The following NLK variants were observed in gnomAD, a reference collection of about 807,000 sequenced individuals.
NLK encodes the protein serine/threonine-protein kinase NLK.
NLK carries 11 observed loss-of-function variants against 59.0 expected under a neutral mutation model. The observed-to-expected ratio is 0.19, with a 90% confidence interval of 0.12 to 0.31. The LOEUF is 0.31. Among genes scored for constraint, NLK ranks in the 10% least tolerant of loss-of-function variants. The pLI, the probability that NLK is intolerant of heterozygous loss-of-function variation, is 1.00. For synonymous variants in NLK, 235 were observed against 235.9 expected (o/e 1.00, Z 0.03); for missense variants, 410 against 661.1 (o/e 0.62, Z 4.16).
chr17:28,103,000 G>A (rs2142792538), intron 1 of NLK, among the ~76,000 whole-genome samples: 1 of 152,246 alleles, frequency 6.6e-6, no homozygotes, highest in Admixed American at 6.5e-5. Flanking sequence ...TTCATGTGGA[G>A]CAACTCTGCA....
chr17:28,202,248 A>G, the NLK span, among the ~76,000 whole-genome samples: 2 of 152,142 alleles, frequency 1.3e-5, no homozygotes, highest in Non-Finnish European at 2.9e-5. Flanking sequence ...ATTTTTTTAA[A>G]AATTAGCTGG....
intron 3 of NLK, among the ~76,000 whole-genome samples, chr17:28,147,555 A>G (rs1045561310): frequency 1.2e-4 from 18 of 152,312 alleles, no homozygotes; most frequent in African/African-American, 4.3e-4. Flanking sequence ...ATTGAGGTGT[A>G]GATGGCTGCC....
intron 7 of NLK, among the ~76,000 whole-genome samples, chr17:28,175,933 T>C (rs1908658710): frequency 6.6e-6 from 1 of 152,106 alleles, no homozygotes; most frequent in Non-Finnish European, 1.5e-5. Context: ...GCAAGAAAAA[T>C]CATGTTTATC....
intron 1 of NLK, among the ~76,000 whole-genome samples, chr17:28,056,228 T>C (rs1031722568): frequency 1.3e-5 from 2 of 152,238 alleles, no homozygotes; most frequent in Non-Finnish European, 2.9e-5. Context: ...ATTTCAGTCA[T>C]TTGTTTTGAG....
At chr17:28,116,516 G>A (rs915316054) in intron 1 of NLK, 19 of 152,154 alleles carry the variant, frequency 1.2e-4, no homozygotes, top group African/African-American at 4.6e-4. Flanking sequence ...TTCACATTTT[G>A]TATTAAGTAA....
intron 6 of NLK, among the ~76,000 whole-genome samples, chr17:28,171,724 G>A (rs577787693): frequency 8.5e-5 from 13 of 152,260 alleles, no homozygotes; most frequent in African/African-American, 2.9e-4. Flanking sequence ...TCCATTTGAA[G>A]CATCAGAATC....
Position 28,172,627 on chromosome 17 carries a change from AG to A in NLK, c.1149+15del. 5 of 1,481,532 alleles carry A rather than the reference AG, an allele frequency of 3.4e-6. No homozygotes were observed. Among genetic ancestry groups the A allele is most frequent in the Non-Finnish European group, 3.6e-6 (4 of 1,100,598 alleles). The allele number at this position is 1,481,532 out of a possible 1,614,324, so 91.8% of individuals were successfully genotyped here. ...GGGGTCCTCATAAACAGGTGAGAGG[AG>A]GGGGGAATCTTTTTCTGGTAACCAT... On this transcript the variant is annotated intron_variant, in intron 7 of 10. Coordinates refer to ENST00000407008, the MANE Select transcript of NLK (RefSeq NM_016231.5).
At chr17:28,072,327 C>CTTTTTT (rs56146394) in intron 1 of NLK, among the ~76,000 whole-genome samples, 5 of 132,742 alleles carry the variant, frequency 3.8e-5, no homozygotes, top group East Asian at 2.1e-4. Flanking sequence ...TCTTCTTTTT[C>CTTTTTT]TTTTTTTTTT....
intron 1 of NLK, among the ~76,000 whole-genome samples, chr17:28,072,708 T>G (rs1910045418): frequency 6.6e-6 from 1 of 152,216 alleles, no homozygotes; most frequent in Admixed American, 6.5e-5. Context: ...CCTTATTTTG[T>G]TCTTTCAGTT....
intron 1 of NLK, among the ~76,000 whole-genome samples, chr17:28,095,433 T>A (rs1394392850): frequency 6.6e-6 from 1 of 152,156 alleles, no homozygotes; most frequent in African/African-American, 2.4e-5. Flanking sequence ...CTAAAAAAAA[T>A]TTCAGACTGT....
intron 7 of NLK, among the ~76,000 whole-genome samples, chr17:28,179,244 A>AT (rs1181151273): frequency 2.0e-5 from 3 of 149,106 alleles, no homozygotes; most frequent in Non-Finnish European, 3.0e-5. Flanking sequence ...TTTAGGGCAT[A>AT]TTTTTTTTTT....
the NLK span, among the ~76,000 whole-genome samples, chr17:28,203,200 C>CACACACACACACACACACACAG: frequency 1.1e-4 from 16 of 151,078 alleles, no homozygotes; most frequent in African/African-American, 3.7e-4. Flanking sequence ...CACACACACA[C>CACACACACACACACACACACAG]AGTCTCAGTC....
At chr17:28,159,365 A>G (rs1017898158) in intron 3 of NLK, among the ~76,000 whole-genome samples, 1 of 152,234 alleles carries the variant, frequency 6.6e-6, no homozygotes, top group African/African-American at 2.4e-5. Flanking sequence ...TGATGGATGG[A>G]AAGAGCAATG....
chr17:28,161,873 T>C (rs1908018258), intron 4 of NLK, among the ~76,000 whole-genome samples: 2 of 152,192 alleles, frequency 1.3e-5, no homozygotes, highest in Admixed American at 1.3e-4. Flanking sequence ...CATGAGAATT[T>C]TGCCATTACA....
intron 8 of NLK, among the ~76,000 whole-genome samples, chr17:28,190,492 A>T (rs1909266984): frequency 6.6e-6 from 1 of 152,132 alleles, no homozygotes; most frequent in Non-Finnish European, 1.5e-5. Context: ...TCTGATATTC[A>T]GACTGAGCTA....
chr17:28,142,542 C>T (rs1907050074), intron 3 of NLK, among the ~76,000 whole-genome samples: 1 of 152,176 alleles, frequency 6.6e-6, no homozygotes, highest in East Asian at 1.9e-4. Context: ...GAACACAATG[C>T]TCTCTGTGAC....
At chr17:28,148,931 T>C (rs1452414703) in intron 3 of NLK, among the ~76,000 whole-genome samples, 1 of 152,210 alleles carries the variant, frequency 6.6e-6, no homozygotes, top group Non-Finnish European at 1.5e-5. Flanking sequence ...AAAAATTAGT[T>C]ATTTAGCATA....
intron 1 of NLK, among the ~76,000 whole-genome samples, chr17:28,052,832 A>T (rs1036063749): frequency 6.6e-6 from 1 of 150,988 alleles, no homozygotes; most frequent in African/African-American, 2.4e-5. Flanking sequence ...ACCACATTTT[A>T]AGTGTTCTGT....
intron 1 of NLK, among the ~76,000 whole-genome samples, chr17:28,073,601 G>C (rs1192747282): frequency 6.6e-6 from 1 of 151,970 alleles, no homozygotes; most frequent in East Asian, 1.9e-4. Context: ...ATTACCTCTA[G>C]CTCTTTTTGA....
Sources: allele counts gnomAD v4.1 joint callset (sites outside exome capture counted in the v4.1 genomes callset), GRCh38; gene constraint gnomAD v4.1.1; transcripts MANE v1.5; gene names NCBI Gene and HGNC (gene_info 2026-07-23, HGNC 2026-07-21).